ITPRID2: variants seen among roughly 807,000 people sequenced by gnomAD.
ITPRID2 encodes the protein protein ITPRID2.
ITPRID2 carries 60 observed loss-of-function variants against 124.3 expected under a neutral mutation model. That is an observed-to-expected ratio of 0.48 (90% confidence interval 0.39 to 0.60). The LOEUF (loss-of-function observed/expected upper bound fraction) is 0.60. Among genes scored for constraint, ITPRID2 ranks in the 20% least tolerant of loss-of-function variants. The pLI is 0.00. For synonymous variants in ITPRID2, 521 were observed against 542.9 expected, an observed-to-expected ratio of 0.96 and a Z score of 0.56; for missense variants, 1,553 against 1,512.2, an observed-to-expected ratio of 1.03 and a Z score of -0.45.
chr2:181,893,822 T>C (rs972835779), intron 2 of ITPRID2: 2 of 152,226 alleles, frequency 1.3e-5, no homozygotes, highest in Non-Finnish European at 2.9e-5. Context: ...AGAAATTGTA[T>C]TAATGTGCTA....
Position 181,892,870 on chromosome 2 carries a change from G to A in ITPRID2, c.257+210G>A, listed in dbSNP as rs1253127405. Reference sequence around the variant, plus strand: ...ATTTGGTGACCGTGTTGACTTTACAGTTAGGACTTGAGCTACTCACGCATC... The same window carrying A: ...ATTTGGTGACCGTGTTGACTTTACAATTAGGACTTGAGCTACTCACGCATC... On this transcript the variant is annotated intron_variant, in intron 2 of 17. Coordinates refer to ENST00000431877, the MANE Select transcript of ITPRID2 (RefSeq NM_001130445.3). This position sits in a 1 kb window ranked among gnomAD's most constrained non-coding sequence, Gnocchi z 5.2. The A allele has an allele frequency of 1.6e-6, 1 of 613,290 alleles. No individual in the cohort carries two copies. The highest frequency in any genetic ancestry group is 2.9e-6 in the Non-Finnish European group (1 of 345,100). The allele number at this position is 613,290 out of a possible 1,614,324, so 38.0% of individuals were successfully genotyped here.
Position 181,892,209 on chromosome 2 carries a change from C to T in ITPRID2, c.143C>T (p.Thr48Met). ...ETEDLSTEAT[T>M]QDEEEDEEED... ...GAGGATCTGTCCACAGAAGCGACGA[C>T]GCAGGACGAGGAGGAGGACGAGGAG... is the stretch of plus-strand genomic sequence containing the variant. The change falls in exon 1 of 18, where the codon ACG (threonine) becomes ATG (methionine). Residue 48 changes from threonine (T) to methionine (M), a missense_variant. Thr to Met is a moderately conservative substitution (Grantham distance 81, BLOSUM62 -1). Coordinates refer to ENST00000431877, the MANE Select transcript of ITPRID2 (RefSeq NM_001130445.3). This position sits in a 1 kb window ranked among gnomAD's most constrained non-coding sequence, Gnocchi z 5.2. 6.4e-7 allele frequency: 1 copy of T among 1,552,144 alleles called. No homozygotes were observed. Among genetic ancestry groups the T allele is most frequent in the Non-Finnish European group, 8.7e-7 (1 of 1,147,636 alleles).
In ITPRID2 at chr2:181,896,824, G is replaced by C; in HGVS notation, c.308-84G>C. ...ATTTTACTGTATAAGATATTTTGCT[G>C]GGTGAATTTAACTAAAACAGTGATT... On this transcript the variant is annotated intron_variant, in intron 3 of 17. Coordinates refer to ENST00000431877, the MANE Select transcript of ITPRID2 (RefSeq NM_001130445.3). This position sits in a 1 kb window ranked among gnomAD's most constrained non-coding sequence, Gnocchi z 4.3. The C allele has an allele frequency of 2.0e-6, 2 of 1,010,676 alleles. No homozygotes were observed. The highest frequency in any genetic ancestry group is 1.3e-5 in the South Asian group (1 of 75,214). 62.6% of individuals were successfully genotyped at this position (1,010,676 alleles called of 1,614,324 possible).
chr2:181,921,972 T>TC lies in ITPRID2; in HGVS notation c.3236dup (p.Tyr1080IlefsTer5). ...GGTCACTGAACTGATGCAGGAGCAG[T>TC]CATACCTGAAGTCTGAATTGGGCCT... On this transcript the variant is annotated frameshift_variant, in exon 16 of 18. Coordinates refer to ENST00000431877, the MANE Select transcript of ITPRID2 (RefSeq NM_001130445.3). LOFTEE classifies it high-confidence loss of function. 1.2e-6 allele frequency: 2 copies of TC among 1,614,188 alleles called. No individual in the cohort carries two copies. Among genetic ancestry groups the TC allele is most frequent in the Non-Finnish European group, 1.7e-6 (2 of 1,180,020 alleles).
Position 181,900,773 on chromosome 2 carries a change from C to G in ITPRID2, c.581C>G (p.Pro194Arg), listed in dbSNP as rs753507819. 1 of 1,613,012 alleles carries G rather than the reference C, an allele frequency of 6.2e-7. No individual in the cohort carries two copies. Among genetic ancestry groups the G allele is most frequent in the African/African-American group, 1.3e-5 (1 of 74,950 alleles). ...AATCTTGGATTTGGACGTGATGAAC[C>G]AGATATTGCTTCTAAAATTCCTTCC... is the stretch of plus-strand genomic sequence containing the variant. ...LYNLGFGRDEPDIASKIPSRF... is the reference protein window; with the variant it reads ...LYNLGFGRDERDIASKIPSRF... The change falls in exon 7 of 18, where the codon CCA (proline) becomes CGA (arginine). Residue 194 changes from proline to arginine, a missense_variant. Coordinates refer to ENST00000431877, the MANE Select transcript of ITPRID2 (RefSeq NM_001130445.3).
Position 181,915,519 on chromosome 2 carries a change from G to C in ITPRID2, c.1879G>C (p.Asp627His). Residue 627 changes from aspartate to histidine, a missense_variant, in exon 11 of 18, where the codon GAT becomes CAT. Transcript: ENST00000431877. ...CATTGAAATTACTGAAGTGGAAGAG[G>C]ATTTGTTTCCAGCAGAGACAGTAGA... ...HIIEITEVEEDLFPAETVELL... is the reference protein window; with the variant it reads ...HIIEITEVEEHLFPAETVELL... 6 of 1,614,166 alleles carry C rather than the reference G, an allele frequency of 3.7e-6. No individual in the cohort carries two copies. The highest frequency in any genetic ancestry group is 5.1e-6 in the Non-Finnish European group (6 of 1,180,028).
chr2:181,925,828 C>G (rs750536240), intron 16 of ITPRID2, among the ~76,000 whole-genome samples: 4 of 152,192 alleles, frequency 2.6e-5, no homozygotes, highest in Non-Finnish European at 4.4e-5. Context: ...TTTTCTATCT[C>G]CACTGTCATC....
intron 16 of ITPRID2, among the ~76,000 whole-genome samples, chr2:181,923,832 T>C (rs563105074): frequency 1.3e-5 from 2 of 152,176 alleles, no homozygotes; most frequent in African/African-American, 4.8e-5. Flanking sequence ...TGGCCTGATA[T>C]GTCCTGTAGG....
chr2:181,906,131 A>G (rs144109566), intron 8 of ITPRID2, among the ~76,000 whole-genome samples: 188 of 152,344 alleles, frequency 1.2e-3, no homozygotes, highest in African/African-American at 4.3e-3. Context: ...AGAATCATAA[A>G]CTAGTACGGA....
At position 181,891,896 on chromosome 2, in the gene ITPRID2, C is replaced by G. The variant is rs552164860; in HGVS notation, c.-171C>G. Reference sequence around the variant, plus strand: ...GGCCCTCCGCCCCTTCCCTCCCCTTCCTTCCCTCCCTCCCTCCCTGTCCCC... The same window carrying G: ...GGCCCTCCGCCCCTTCCCTCCCCTTGCTTCCCTCCCTCCCTCCCTGTCCCC... On this transcript the variant is annotated 5_prime_UTR_variant, in exon 1 of 18. Coordinates refer to ENST00000431877, the MANE Select transcript of ITPRID2 (RefSeq NM_001130445.3). The G allele has an allele frequency of 1.2e-4, 44 of 362,532 alleles. No individual in the cohort carries two copies. Among genetic ancestry groups the G allele is most frequent in the Admixed American group, 7.1e-4 (16 of 22,462 alleles). 22.5% of individuals were successfully genotyped at this position (362,532 alleles called of 1,614,324 possible). A position where few individuals can be genotyped will look rare whatever the true frequency, so the allele number is the denominator to read the frequency against.
In ITPRID2 at chr2:181,907,940, G is replaced by T. The variant is rs1195578307; in HGVS notation, c.1414-1959G>T. 2.0e-5 allele frequency among the ~76,000 whole-genome samples: 3 copies of T among 152,188 alleles called. No individual in the cohort carries two copies. Among genetic ancestry groups the T allele is most frequent in the African/African-American group, 7.2e-5 (3 of 41,450 alleles). ...TTAATTATGGAGTTTGTAGTAAAAG[G>T]AGAGAGTAGATTTGTTTTTGCCATT... On this transcript the variant is annotated intron_variant, in intron 8 of 17. Transcript: ENST00000431877. This position sits in a 1 kb window ranked among gnomAD's most constrained non-coding sequence, Gnocchi z 5.1.
At chr2:181,925,473 T>C (rs1401739808) in intron 16 of ITPRID2, among the ~76,000 whole-genome samples, 2 of 152,220 alleles carry the variant, frequency 1.3e-5, no homozygotes, top group African/African-American at 4.8e-5. Flanking sequence ...ATTTATTCAT[T>C]CAATAAATTA....
chr2:181,897,528 GT>G (rs1483097816), intron 4 of ITPRID2, among the ~76,000 whole-genome samples: 3 of 151,674 alleles, frequency 2.0e-5, no homozygotes, highest in Non-Finnish European at 4.4e-5. Context: ...CTATTTAAAA[GT>G]TTTTACAAGT....
At position 181,916,133 on chromosome 2, in the gene ITPRID2, T is replaced by G. The variant is rs768019162; in HGVS notation, c.2493T>G (p.Cys831Trp). The G allele has an allele frequency of 2.5e-6, 4 of 1,614,220 alleles. No homozygotes were observed. The Admixed American group carries it at 6.7e-5, about 27-fold the overall frequency. The change falls in exon 11 of 18, where the codon TGT (cysteine) becomes TGG (tryptophan). Residue 831 changes from cysteine (C) to tryptophan (W), a missense_variant. By Grantham distance (215) the Cys-to-Trp change is radical. Transcript: ENST00000431877. ...EECHHGRTPTCSRLAPPPMSQ... is the reference protein window; with the variant it reads ...EECHHGRTPTWSRLAPPPMSQ... The stretch of plus-strand genomic sequence containing the variant: ...GCCATCATGGAAGGACTCCTACCTG[T>G]TCACGGCTTGCTCCACCACCAATGT...
chr2:181,910,440 C>T lies in ITPRID2; in HGVS notation c.1486+469C>T, dbSNP rs1037662598. Reference sequence around the variant, plus strand: ...AGCTAGTTAAATTCAAACTATGGGTCGAAGGTGAGTGGTTGTAGATACTGT... The same window carrying T: ...AGCTAGTTAAATTCAAACTATGGGTTGAAGGTGAGTGGTTGTAGATACTGT... On this transcript the variant is annotated intron_variant, in intron 9 of 17. Coordinates refer to ENST00000431877, the MANE Select transcript of ITPRID2 (RefSeq NM_001130445.3). The surrounding 1 kb of genome is among the most constrained non-coding windows in gnomAD (Gnocchi z 4.1). The T allele has an allele frequency of 1.9e-5, 10 of 534,624 alleles. No homozygotes were observed. The highest frequency in any genetic ancestry group is 1.8e-4 in the African/African-American group (9 of 50,686). The allele number at this position is 534,624 out of a possible 1,614,324, so 33.1% of individuals were successfully genotyped here.
chr2:181,916,620 T>C, intron 11 of ITPRID2, 193 bp downstream of exon 11: 1 of 824,358 alleles, frequency 1.2e-6, no homozygotes, highest in Non-Finnish European at 1.8e-6. Context: ...TAACTAACCC[T>C]GATCAAAGTC....
intron 2 of ITPRID2, chr2:181,893,533 C>CAAGA (rs1691935228): frequency 6.6e-6 from 1 of 152,144 alleles, no homozygotes; most frequent in African/African-American, 2.4e-5. Context: ...TAAAGACAGA[C>CAAGA]AAGATATTGG....
At chr2:181,921,239 A>G (rs1694457412) in intron 15 of ITPRID2, among the ~76,000 whole-genome samples, 1 of 151,950 alleles carries the variant, frequency 6.6e-6, no homozygotes, top group Non-Finnish European at 1.5e-5. Flanking sequence ...GCATTTTGGG[A>G]GGCTGAGGCA....
chr2:181,911,590 C>G (rs1053229245), intron 9 of ITPRID2, among the ~76,000 whole-genome samples: 1 of 152,016 alleles, frequency 6.6e-6, no homozygotes, highest in Non-Finnish European at 1.5e-5. Context: ...TTAATGTTTC[C>G]TCTAACTTCC....
Sources: gnomAD v4.1 joint callset for allele counts (sites outside exome capture counted in the v4.1 genomes callset) on GRCh38, gnomAD v4.1.1 for gene constraint, Gnocchi (gnomAD v3.1) non-coding constraint, MANE v1.5 for transcripts, NCBI Gene and HGNC (gene_info 2026-07-23, HGNC 2026-07-21) for gene names.